Variants in GRAMD2A observed in about 807,000 individuals in gnomAD.
GRAMD2A encodes GRAM domain containing 2A.
A neutral mutation model predicts 51.1 loss-of-function variants in GRAMD2A; 37 were observed. The ratio of observed to expected loss-of-function variants is 0.72; its 90% CI spans 0.56 to 0.95. The LOEUF (loss-of-function observed/expected upper bound fraction) is 0.95, where lower values mean the gene tolerates loss of function less well. Among genes scored for constraint, GRAMD2A ranks in the 40% least tolerant of loss-of-function variants. The probability of loss-of-function intolerance (pLI) is 0.00; values close to 1 mark genes in which losing one functional copy is unlikely to be tolerated. For synonymous variants in GRAMD2A, 136 were observed against 157.1 expected (o/e 0.87, Z 1.01); for missense variants, 414 against 426.9 (o/e 0.97, Z 0.27).
At chr15:72,174,557 G>T (rs770348582) in intron 1 of GRAMD2A, among the ~76,000 whole-genome samples, 1 of 152,178 alleles carries the variant, frequency 6.6e-6, no homozygotes, top group Non-Finnish European at 1.5e-5. Context: ...GAGCAGGGGA[G>T]TGGCAGTGTT....
intron 1 of GRAMD2A, among the ~76,000 whole-genome samples, chr15:72,189,516 A>C (rs1434458441): frequency 6.6e-6 from 1 of 152,276 alleles, no homozygotes. Context: ...GTATTTTATA[A>C]AATTGAATGT....
rs982031361 is a variant in GRAMD2A, at chr15:72,163,684, A to G, written c.674T>C (p.Ile225Thr). The change falls in exon 9 of 12, where the codon ATC becomes ACC. Residue 225 changes from isoleucine to threonine, a missense_variant. By Grantham distance (89) the Ile-to-Thr change is moderately conservative (BLOSUM62 -1). Transcript: ENST00000309731. The part of the protein sequence containing the change: ...SSRSLSLPDN[I>T]PCIPPSSVDS... ...CACGGATGATGGAGGGATACAAGGGATGTTGTCTGGGAGAGACAGGGACCT... is the reference window on the plus strand; with the variant it reads ...CACGGATGATGGAGGGATACAAGGGGTGTTGTCTGGGAGAGACAGGGACCT... 4 of 1,608,926 alleles carry G rather than the reference A, an allele frequency of 2.5e-6. No homozygotes were observed. In the African/African-American group the frequency reaches 5.4e-5, roughly 22 times the overall value.
At chr15:72,188,026 C>T (rs2081745243) in intron 1 of GRAMD2A, among the ~76,000 whole-genome samples, 2 of 152,050 alleles carry the variant, frequency 1.3e-5, no homozygotes, top group Admixed American at 6.6e-5. Context: ...TAATTGAGCA[C>T]AAATTACAAT....
chr15:72,196,768 AAGCAG>A (rs2081808036), intron 1 of GRAMD2A, among the ~76,000 whole-genome samples: 1 of 152,146 alleles, frequency 6.6e-6, no homozygotes, highest in Admixed American at 6.5e-5. Flanking sequence ...GTGGGGCGGC[AAGCAG>A]AGCAGAGACA....
chr15:72,172,989 G>A (rs1194860132), intron 1 of GRAMD2A, among the ~76,000 whole-genome samples: 2 of 152,110 alleles, frequency 1.3e-5, no homozygotes, highest in Non-Finnish European at 2.9e-5. Context: ...CCATGGGGCC[G>A]CCAGGGAAAA....
chr15:72,185,153 T>C (rs1298072182), intron 1 of GRAMD2A, among the ~76,000 whole-genome samples: 1 of 152,108 alleles, frequency 6.6e-6, no homozygotes, highest in Non-Finnish European at 1.5e-5. Context: ...GGAAAATACC[T>C]ATATTCATAT....
At chr15:72,176,782 CA>C (rs750051187) in intron 1 of GRAMD2A, among the ~76,000 whole-genome samples, 1 of 151,116 alleles carries the variant, frequency 6.6e-6, no homozygotes, top group Non-Finnish European at 1.5e-5. Flanking sequence ...CCTCCTACTT[CA>C]GGGGGAAAGG....
chr15:72,169,608 A>G (rs1252863435), intron 2 of GRAMD2A: 5 of 685,854 alleles, frequency 7.3e-6, no homozygotes, highest in Non-Finnish European at 1.3e-5. Context: ...GTTGGCCCAG[A>G]GCACAGGTGA....
In GRAMD2A at chr15:72,163,634, A is replaced by C; in HGVS notation, c.724T>G (p.Ser242Ala). ...SVDSTDSFFP[S>A]RKPPMSEKSR... ...TTACCAGACATTGGAGGCTTCCTGG[A>C]GGGGAAGAAACTGTCTGTGGAGTCC... Residue 242 changes from serine (S) to alanine (A), a missense_variant, in exon 9 of 12, where the codon TCC becomes GCC. Coordinates refer to ENST00000309731, the MANE Select transcript of GRAMD2A (RefSeq NM_001012642.3). 6.3e-7 allele frequency: 1 copy of C among 1,598,658 alleles called. No homozygotes were observed. Among genetic ancestry groups the C allele is most frequent in the Non-Finnish European group, 8.5e-7 (1 of 1,175,208 alleles).
Position 72,170,430 on chromosome 15 carries a change from G to A in GRAMD2A, c.42-491C>T. 2.2e-6 allele frequency: 1 copy of A among 456,078 alleles called. No individual in the cohort carries two copies. The allele number at this position is 456,078 out of a possible 1,614,324, so 28.3% of individuals were successfully genotyped here. ...GCTCAGGAGCTGATGCGCTGAAGGT[G>A]TGGGAGGTGGACGCCCATCAGCCTA... On this transcript the variant is annotated intron_variant, in intron 1 of 11. Coordinates refer to ENST00000309731, the MANE Select transcript of GRAMD2A (RefSeq NM_001012642.3). The surrounding 1 kb of genome is among the most constrained non-coding windows in gnomAD (Gnocchi z 4.5).
chr15:72,194,831 G>A (rs529822507), intron 1 of GRAMD2A, among the ~76,000 whole-genome samples: 1 of 152,116 alleles, frequency 6.6e-6, no homozygotes, highest in South Asian at 2.1e-4. Flanking sequence ...GGGATTACAG[G>A]CACACACCAC....
In GRAMD2A at chr15:72,168,477, G is replaced by A. The variant is rs758532490; in HGVS notation, c.268+14C>T. ...CTCTGGGTGCCTAACCAGCTATACC[G>A]GGAGACAGCTCACCTTTGAGAACCA... On this transcript the variant is annotated intron_variant, in intron 4 of 11. Coordinates refer to ENST00000309731, the MANE Select transcript of GRAMD2A (RefSeq NM_001012642.3). The A allele has an allele frequency of 5.9e-5, 94 of 1,605,552 alleles. No homozygotes were observed. The highest frequency in any genetic ancestry group is 7.8e-5 in the Non-Finnish European group (91 of 1,172,614).
intron 1 of GRAMD2A, among the ~76,000 whole-genome samples, chr15:72,172,274 A>G (rs2081618203): frequency 6.6e-6 from 1 of 151,870 alleles, no homozygotes; most frequent in Non-Finnish European, 1.5e-5. Flanking sequence ...ATGCTCCACC[A>G]TGCCGGGCTA....
At chr15:72,190,767 G>T (rs2081762595) in intron 1 of GRAMD2A, among the ~76,000 whole-genome samples, 1 of 152,148 alleles carries the variant, frequency 6.6e-6, no homozygotes, top group Non-Finnish European at 1.5e-5. Context: ...GTATGTTTCT[G>T]GGAAGAGAGC....
chr15:72,176,797 C>T (rs1203403727), intron 1 of GRAMD2A, among the ~76,000 whole-genome samples: 4 of 150,916 alleles, frequency 2.7e-5, no homozygotes, highest in Admixed American at 2.6e-4. Flanking sequence ...GGAAAGGACA[C>T]TCTCCTTTTA....
intron 10 of GRAMD2A, chr15:72,162,842 T>C (rs903181574): frequency 9.5e-6 from 2 of 210,006 alleles, no homozygotes; most frequent in Non-Finnish European, 9.6e-6. Context: ...TGGCTGTTCA[T>C]GTCACTTCCC....
chr15:72,189,306 T>C (rs571904110), intron 1 of GRAMD2A, among the ~76,000 whole-genome samples: 11 of 152,328 alleles, frequency 7.2e-5, no homozygotes, highest in African/African-American at 1.7e-4. Context: ...CAAATCTACA[T>C]GTGATAAAAA....
intron 1 of GRAMD2A, among the ~76,000 whole-genome samples, chr15:72,183,494 G>A (rs1193062034): frequency 6.6e-6 from 1 of 150,820 alleles, no homozygotes; most frequent in Non-Finnish European, 1.5e-5. Flanking sequence ...CAGCCTGGGC[G>A]ACAGAGCGAG....
intron 1 of GRAMD2A, among the ~76,000 whole-genome samples, chr15:72,191,354 C>A (rs1196380519): frequency 6.6e-6 from 1 of 152,172 alleles, no homozygotes; most frequent in East Asian, 1.9e-4. Flanking sequence ...TGCCCGCCAC[C>A]ATGCCCAGCT....
Sources: gnomAD v4.1 joint callset for allele counts (sites outside exome capture counted in the v4.1 genomes callset) on GRCh38, gnomAD v4.1.1 for gene constraint, Gnocchi (gnomAD v3.1) non-coding constraint, MANE v1.5 for transcripts, NCBI Gene and HGNC (gene_info 2026-07-23, HGNC 2026-07-21) for gene names.